Variants in NXPH1 observed in about 807,000 individuals in gnomAD.
NXPH1 encodes the protein neurexophilin 1.
In NXPH1, 5 loss-of-function variants were observed where a neutral mutation model predicts 23.7. The ratio of observed to expected loss-of-function variants is 0.21; its 90% CI spans 0.11 to 0.44. The LOEUF (loss-of-function observed/expected upper bound fraction) is 0.44. Ranked by LOEUF, NXPH1 falls within the 20% of genes least tolerant of loss-of-function variation. The pLI is 0.99. For synonymous variants in NXPH1, 144 were observed against 122.2 expected, an observed-to-expected ratio of 1.18 and a Z score of -1.18; for missense variants, 324 against 321.6, an observed-to-expected ratio of 1.01 and a Z score of -0.06.
intron 2 of NXPH1, among the ~76,000 whole-genome samples, chr7:8,441,236 G>A (rs1816292929): frequency 6.6e-6 from 1 of 152,094 alleles, no homozygotes; most frequent in African/African-American, 2.4e-5. Context: ...GTCTCAAAGC[G>A]GGTCTGCACT....
chr7:8,495,936 C>G (rs1817331449), intron 2 of NXPH1, among the ~76,000 whole-genome samples: 1 of 151,962 alleles, frequency 6.6e-6, no homozygotes, highest in Non-Finnish European at 1.5e-5. Context: ...GGAGAGAGAA[C>G]TATTGTGGGC....
chr7:8,500,131 C>T (rs1266847490), intron 2 of NXPH1, among the ~76,000 whole-genome samples: 7 of 152,026 alleles, frequency 4.6e-5, no homozygotes, highest in Admixed American at 2.0e-4. Context: ...GAAGTTTCCT[C>T]GCCATCAGGT....
chr7:8,475,466 C>A (rs1816953879), intron 2 of NXPH1, among the ~76,000 whole-genome samples: 1 of 151,918 alleles, frequency 6.6e-6, no homozygotes, highest in South Asian at 2.1e-4. Flanking sequence ...ATAACTAAAC[C>A]CATGGAATGA....
At chr7:8,680,941 T>A (rs546104257) in intron 2 of NXPH1, among the ~76,000 whole-genome samples, 1 of 152,356 alleles carries the variant, frequency 6.6e-6, no homozygotes, top group Admixed American at 6.5e-5. Flanking sequence ...TCTGAATACT[T>A]CACCTGGGAC....
chr7:8,588,037 A>G (rs879821016), intron 2 of NXPH1, among the ~76,000 whole-genome samples: 15 of 152,222 alleles, frequency 9.9e-5, no homozygotes, highest in Admixed American at 1.3e-4. Context: ...ACAAATCAAA[A>G]TGACAATGAG....
At chr7:8,456,436 T>A (rs1346488705) in intron 2 of NXPH1, among the ~76,000 whole-genome samples, 1 of 152,182 alleles carries the variant, frequency 6.6e-6, no homozygotes, top group Non-Finnish European at 1.5e-5. Flanking sequence ...TTCACAGAGG[T>A]TGTGGGACCT....
chr7:8,680,128 C>T (rs1408820422), intron 2 of NXPH1, among the ~76,000 whole-genome samples: 2 of 152,214 alleles, frequency 1.3e-5, no homozygotes, highest in African/African-American at 4.8e-5. Flanking sequence ...TATTCAGTGC[C>T]ATTTGTGGGT....
chr7:8,550,922 A>G (rs962280769), intron 2 of NXPH1, among the ~76,000 whole-genome samples: 1 of 151,528 alleles, frequency 6.6e-6, no homozygotes, highest in Non-Finnish European at 1.5e-5. Context: ...GATGTTTTCA[A>G]TTTTGAACAA....
At chr7:8,470,531 T>G (rs1816856026) in intron 2 of NXPH1, among the ~76,000 whole-genome samples, 1 of 152,120 alleles carries the variant, frequency 6.6e-6, no homozygotes, top group African/African-American at 2.4e-5. Context: ...AACTTTAGCT[T>G]TGTAGGGAAA....
rs149385580 is a variant in NXPH1, at chr7:8,660,427, AGC to A, written c.55-90580_55-90579del. ...GTTTTGAAAAGAGACACTAAGCAAAAGCATAGTATTTTTTGCTAAAACAACTA... is the reference window on the plus strand; with the variant it reads ...GTTTTGAAAAGAGACACTAAGCAAAAATAGTATTTTTTGCTAAAACAACTA... On this transcript the variant is annotated intron_variant, in intron 2 of 2. Transcript: ENST00000405863. 6.1e-3 allele frequency among the ~76,000 whole-genome samples: 923 copies of A among 152,314 alleles called. 13 individuals are homozygous for A. Among genetic ancestry groups the A allele is most frequent in the African/African-American group, 0.021 (864 of 41,574 alleles).
At chr7:8,616,077 A>G (rs930996853) in intron 2 of NXPH1, among the ~76,000 whole-genome samples, 1 of 152,014 alleles carries the variant, frequency 6.6e-6, no homozygotes, top group African/African-American at 2.4e-5. Context: ...ACTTCATTAC[A>G]TCTCACTCAG....
chr7:8,705,950 C>T (rs1779698264), intron 2 of NXPH1, among the ~76,000 whole-genome samples: 1 of 152,162 alleles, frequency 6.6e-6, no homozygotes, highest in Non-Finnish European at 1.5e-5. Flanking sequence ...AAAGGCATCT[C>T]ATAGAAGGAA....
At chr7:8,477,241 G>C (rs1168997175) in intron 2 of NXPH1, among the ~76,000 whole-genome samples, 1 of 152,088 alleles carries the variant, frequency 6.6e-6, no homozygotes, top group Non-Finnish European at 1.5e-5. Flanking sequence ...ATTAAAGGAA[G>C]GTCTACCCAA....
chr7:8,698,196 C>A (rs964543309), intron 2 of NXPH1, among the ~76,000 whole-genome samples: 1 of 152,224 alleles, frequency 6.6e-6, no homozygotes, highest in Admixed American at 6.5e-5. Context: ...ACATTTACAC[C>A]AATATTCCAT....
chr7:8,452,902 A>G (rs1479516765), intron 2 of NXPH1, among the ~76,000 whole-genome samples: 1 of 152,148 alleles, frequency 6.6e-6, no homozygotes, highest in East Asian at 1.9e-4. Context: ...GGTAAGAAGC[A>G]TCAATGCAGA....
At chr7:8,700,757 G>T (rs974954509) in intron 2 of NXPH1, among the ~76,000 whole-genome samples, 15 of 151,902 alleles carry the variant, frequency 9.9e-5, no homozygotes, top group Non-Finnish European at 2.9e-5. Flanking sequence ...TCTTTACCTG[G>T]TTATCCCACA....
intron 2 of NXPH1, among the ~76,000 whole-genome samples, chr7:8,747,629 C>T (rs1467737531): frequency 1.3e-5 from 2 of 152,152 alleles, no homozygotes; most frequent in African/African-American, 4.8e-5. Context: ...CTAGATAATT[C>T]CAGGCAAAAG....
intron 2 of NXPH1, among the ~76,000 whole-genome samples, chr7:8,656,501 G>A (rs976625696): frequency 1.1e-5 from 1 of 94,274 alleles, no homozygotes; most frequent in African/African-American, 3.7e-5. Context: ...AAACTGTAGA[G>A]TTAATGTTTT....
At chr7:8,466,368 C>T (rs946765232) in intron 2 of NXPH1, among the ~76,000 whole-genome samples, 1 of 152,128 alleles carries the variant, frequency 6.6e-6, no homozygotes, top group African/African-American at 2.4e-5. Flanking sequence ...GAACGATGAG[C>T]TCTTTTTATT....
Sources: allele counts gnomAD v4.1 joint callset (sites outside exome capture counted in the v4.1 genomes callset), GRCh38; gene constraint gnomAD v4.1.1; transcripts MANE v1.5; gene names NCBI Gene and HGNC (gene_info 2026-07-23, HGNC 2026-07-21).